Variants in PHF20 observed in about 807,000 individuals in gnomAD.
PHF20 encodes glioma-expressed antigen 2.
A neutral mutation model predicts 113.5 loss-of-function variants in PHF20; 23 were observed. That is an observed-to-expected ratio of 0.20 (90% CI 0.15 to 0.29). The LOEUF is 0.29. Ranked by LOEUF, PHF20 falls within the 10% of genes least tolerant of loss-of-function variation. The probability of loss-of-function intolerance (pLI) is 1.00; values close to 1 mark genes in which losing one functional copy is unlikely to be tolerated. For missense variants in PHF20, 943 were observed against 1,219.6 expected (o/e 0.77, Z 3.38); for synonymous variants, 434 against 457.3 (o/e 0.95, Z 0.65).
intron 17 of PHF20, 63 bp from the exon 18 acceptor site, chr20:35,947,421 CT>C: frequency 1.3e-6 from 2 of 1,547,792 alleles, no homozygotes; most frequent in South Asian, 2.3e-5. Flanking sequence ...GAAATGCTTG[CT>C]GATGTTCTTG....
chr20:35,927,855 T>C lies in PHF20; in HGVS notation c.2080T>C (p.Cys694Arg), dbSNP rs2055672899. Residue 694 changes from cysteine (C) to arginine (R), a missense_variant, in exon 14 of 18, where the codon TGT becomes CGT. By Grantham distance (180) the Cys-to-Arg change is radical (BLOSUM62 -3). Transcript: ENST00000374012. ...LEENVPEKYTCYVCQDPPGQR... is the reference protein window; with the variant it reads ...LEENVPEKYTRYVCQDPPGQR... ...AGAAAATGTGCCCGAGAAATACACC[T>C]GTTATGTTTGCCAAGACCCTCCAGG... The C allele has an allele frequency of 6.2e-7, 1 of 1,613,560 alleles. No individual in the cohort carries two copies.
At chr20:35,888,337 AAGTAT>A (rs1422941084) in intron 9 of PHF20, among the ~76,000 whole-genome samples, 1 of 152,040 alleles carries the variant, frequency 6.6e-6, no homozygotes, top group Non-Finnish European at 1.5e-5. Flanking sequence ...GCACATACCA[AAGTAT>A]AGTAGTAATT....
At chr20:35,802,944 A>AT in intron 2 of PHF20, among the ~76,000 whole-genome samples, 1 of 144,146 alleles carries the variant, frequency 6.9e-6, no homozygotes, top group Middle Eastern at 4.0e-3. Flanking sequence ...GTCTGAAAAA[A>AT]AAAAAAAAAA....
rs527892718 is a variant in PHF20 at position 35,899,272 on chromosome 20, C to T, written c.1283-98C>T. ...TCTGATGTCTCAGGCTACATTTGCACGCTAGTCTTTCACCCTCAGTTGTCA... is the reference window on the plus strand; with the variant it reads ...TCTGATGTCTCAGGCTACATTTGCATGCTAGTCTTTCACCCTCAGTTGTCA... On this transcript the variant is annotated intron_variant, in intron 9 of 17. Transcript: ENST00000374012. The T allele has an allele frequency of 2.3e-5, 22 of 976,518 alleles. No individual in the cohort carries two copies. In the East Asian group the frequency reaches 2.9e-4, roughly 13 times the overall value. The allele number at this position is 976,518 out of a possible 1,614,324, so 60.5% of individuals were successfully genotyped here. A position where few individuals can be genotyped will look rare whatever the true frequency, so the allele number is the denominator to read the frequency against.
At chr20:35,894,084 A>G (rs551989127) in intron 9 of PHF20, among the ~76,000 whole-genome samples, 5 of 152,372 alleles carry the variant, frequency 3.3e-5, no homozygotes, top group South Asian at 2.1e-4. Context: ...TGAAATGTGA[A>G]TAGTCATACT....
Position 35,948,104 on chromosome 20 carries a change from T to C in PHF20, c.*477T>C. The C allele has an allele frequency of 6.1e-6, 1 of 165,226 alleles. No homozygotes were observed. Among genetic ancestry groups the C allele is most frequent in the Admixed American group, 5.7e-5 (1 of 17,600 alleles). The allele number at this position is 165,226 out of a possible 1,614,324, so 10.2% of individuals were successfully genotyped here. The stretch of plus-strand genomic sequence containing the variant: ...CTTTTCTAGCTTCATAGGAATATTG[T>C]GAGCTCACCATGCTGTGGAGGTTGG... On this transcript the variant is annotated 3_prime_UTR_variant, in exon 18 of 18. Coordinates refer to ENST00000374012, the MANE Select transcript of PHF20 (RefSeq NM_016436.5).
chr20:35,793,995 C>CAAAACAAAAAAAAAAA lies in PHF20; in HGVS notation c.-32-7492_-32-7491insCAAAAAAAAAAAAAAA, dbSNP rs1385077985. ...GGGCGACAAGAGCGGGACTCTGTCT[C>CAAAACAAAAAAAAAAA]AAAAAAAAAAAAAAAAAAAAAAGGC... On this transcript the variant is annotated intron_variant, in intron 1 of 17. Coordinates refer to ENST00000374012, the MANE Select transcript of PHF20 (RefSeq NM_016436.5). Among the ~76,000 whole-genome samples the CAAAACAAAAAAAAAAA allele has an allele frequency of 9.5e-3, 320 of 33,822 alleles. 6 individuals are homozygous for CAAAACAAAAAAAAAAA. The highest frequency in any genetic ancestry group is 0.015 in the Non-Finnish European group (267 of 18,274). The allele number at this position is 33,822 out of a possible 152,430, so 22.2% of individuals were successfully genotyped here.
intron 12 of PHF20, 120 bp downstream of exon 12, chr20:35,914,317 G>T: frequency 1.0e-6 from 1 of 980,424 alleles, no homozygotes; most frequent in Admixed American, 2.7e-5. Flanking sequence ...AAGCTAGTCA[G>T]ACATAATTTT....
intron 3 of PHF20, among the ~76,000 whole-genome samples, chr20:35,843,028 C>T (rs147540609): frequency 6.6e-6 from 1 of 152,176 alleles, no homozygotes; most frequent in African/African-American, 2.4e-5. Flanking sequence ...CGTGCCTCAG[C>T]CTCCCTAGTA....
At position 35,871,726 on chromosome 20, in the gene PHF20, G is replaced by A; in HGVS notation, c.1179G>A (p.Gly393=). ...GCCACTCCTTTGGGGATGGATCCGG[G>A]GCTGCAGGCTTGGAGTTGAACTGCC... ...LTCHSFGDGS[G]AAGLELNCPS... is the part of the protein sequence containing the mutation. Residue 393 remains glycine, a synonymous_variant, in exon 9 of 18, where the codon GGG becomes GGA. Coordinates refer to ENST00000374012, the MANE Select transcript of PHF20 (RefSeq NM_016436.5). 1 of 1,613,956 alleles carries A rather than the reference G, an allele frequency of 6.2e-7. No individual in the cohort carries two copies. Among genetic ancestry groups the A allele is most frequent in the African/African-American group, 1.3e-5 (1 of 75,000 alleles).
chr20:35,852,519 C>T (rs1211219038), intron 4 of PHF20, among the ~76,000 whole-genome samples: 1 of 152,110 alleles, frequency 6.6e-6, no homozygotes, highest in Non-Finnish European at 1.5e-5. Context: ...GAAGAAAATA[C>T]TTAGAGGGAG....
At chr20:35,913,146 C>G in intron 10 of PHF20, 103 bp from the exon 11 acceptor site, 1 of 774,682 alleles carries the variant, frequency 1.3e-6, no homozygotes, top group South Asian at 1.5e-5. Flanking sequence ...CCAGACTTCC[C>G]AGGCAGAGCC....
At chr20:35,947,352 CCCA>C in intron 17 of PHF20, 130 bp from the exon 18 acceptor site, 3 of 804,710 alleles carry the variant, frequency 3.7e-6, no homozygotes, top group South Asian at 2.3e-5. Flanking sequence ...CCTCCCTTGC[CCCA>C]TGGAGGCTGA....
intron 5 of PHF20, among the ~76,000 whole-genome samples, chr20:35,862,254 T>C (rs1344246421): frequency 6.6e-6 from 1 of 152,208 alleles, no homozygotes. Context: ...GGATAATCTT[T>C]ATAGTTTTCC....
At chr20:35,928,362 C>T (rs959963710) in intron 14 of PHF20, among the ~76,000 whole-genome samples, 1 of 149,832 alleles carries the variant, frequency 6.7e-6, no homozygotes. Flanking sequence ...TCACTTGAAC[C>T]CAGGTGGCGG....
chr20:35,889,105 C>T (rs1487270185), intron 9 of PHF20, among the ~76,000 whole-genome samples: 1 of 150,200 alleles, frequency 6.7e-6, no homozygotes, highest in Non-Finnish European at 1.5e-5. Context: ...CACCCTCTGC[C>T]TCTGGGCTCA....
At chr20:35,888,754 CTT>C (rs770994067) in intron 9 of PHF20, among the ~76,000 whole-genome samples, 8 of 139,172 alleles carry the variant, frequency 5.7e-5, no homozygotes, top group East Asian at 2.1e-4. Flanking sequence ...ACCCTCATCT[CTT>C]TTTTTTTTTT....
Position 35,806,602 on chromosome 20 carries a change from A to G in PHF20, c.83+4997A>G, listed in dbSNP as rs544105155. On this transcript the variant is annotated intron_variant, in intron 2 of 17. Coordinates refer to ENST00000374012, the MANE Select transcript of PHF20 (RefSeq NM_016436.5). Reference sequence around the variant, plus strand: ...GTCCATTCTTTCCCTATTGACCTGCAATACCACTTGTATGTACTAAGCCTC... The same window carrying G: ...GTCCATTCTTTCCCTATTGACCTGCGATACCACTTGTATGTACTAAGCCTC... 1.4e-4 allele frequency among the ~76,000 whole-genome samples: 21 copies of G among 152,262 alleles called. No individual in the cohort carries two copies. In the South Asian group the frequency reaches 4.4e-3, roughly 32 times the overall value.
At chr20:35,822,183 G>A (rs1189410435) in intron 2 of PHF20, among the ~76,000 whole-genome samples, 6 of 152,012 alleles carry the variant, frequency 3.9e-5, no homozygotes, top group African/African-American at 1.2e-4. Context: ...ACGGAAGATC[G>A]CTTGAATCCC....
Sources: allele counts gnomAD v4.1 joint callset (sites outside exome capture counted in the v4.1 genomes callset), GRCh38; gene constraint gnomAD v4.1.1; transcripts MANE v1.5; gene names NCBI Gene and HGNC (gene_info 2026-07-23, HGNC 2026-07-21).